The following COL28A1 variants were observed in gnomAD, a reference collection of about 807,000 sequenced individuals.
COL28A1 encodes the protein collagen alpha-1(XXVIII) chain.
A neutral mutation model predicts 150.2 loss-of-function variants in COL28A1; 161 were observed. That is an observed-to-expected ratio of 1.07 (90% CI 0.94 to 1.22). The LOEUF (loss-of-function observed/expected upper bound fraction) is 1.22, where lower values mean the gene tolerates loss of function less well. Among genes scored for constraint, COL28A1 ranks in the 50% most tolerant of loss-of-function variants. COL28A1 has a pLI of 0.00. For synonymous variants in COL28A1, 552 were observed against 469.7 expected (o/e 1.18, Z -2.26); for missense variants, 1,617 against 1,388.3 (o/e 1.16, Z -2.62).
At chr7:7,529,940 G>A (rs1390311938) in intron 3 of COL28A1, among the ~76,000 whole-genome samples, 1 of 152,110 alleles carries the variant, frequency 6.6e-6, no homozygotes. Context: ...GAGCACCACA[G>A]GACTGGGCCC....
At chr7:7,435,114 C>T (rs1785247841) in intron 23 of COL28A1, among the ~76,000 whole-genome samples, 1 of 152,048 alleles carries the variant, frequency 6.6e-6, no homozygotes, top group Admixed American at 6.6e-5. Flanking sequence ...CTTTAAATAC[C>T]ATCACCTATA....
At chr7:7,388,517 A>G (rs994995404) in intron 27 of COL28A1, among the ~76,000 whole-genome samples, 1 of 152,176 alleles carries the variant, frequency 6.6e-6, no homozygotes, top group African/African-American at 2.4e-5. Context: ...CCTTGGGTAT[A>G]TACCCAGTAA....
chr7:7,433,660 T>C (rs1022759503), intron 23 of COL28A1, among the ~76,000 whole-genome samples: 9 of 148,496 alleles, frequency 6.1e-5, no homozygotes, highest in African/African-American at 2.0e-4. Context: ...AAAAAAAGAT[T>C]ACCTACAAGT....
chr7:7,385,139 A>G (rs1035774208), intron 27 of COL28A1, among the ~76,000 whole-genome samples: 3 of 152,218 alleles, frequency 2.0e-5, no homozygotes, highest in Admixed American at 1.3e-4. Context: ...ACAAACGCAA[A>G]TAGTATAGGA....
At chr7:7,374,038 A>AAAAAAAAATAT in intron 31 of COL28A1, among the ~76,000 whole-genome samples, 11 of 113,654 alleles carry the variant, frequency 9.7e-5, no homozygotes, top group African/African-American at 4.2e-4. Flanking sequence ...AAAAAAAAAA[A>AAAAAAAAATAT]ATATATATAT....
At chr7:7,449,308 C>T (rs980534468) in intron 18 of COL28A1, among the ~76,000 whole-genome samples, 3 of 151,930 alleles carry the variant, frequency 2.0e-5, no homozygotes, top group Non-Finnish European at 4.4e-5. Flanking sequence ...TGGAAAACAA[C>T]ACAATTATCT....
downstream of COL28A1, among the ~76,000 whole-genome samples, chr7:7,355,951 G>C (rs1780342788): frequency 6.6e-6 from 1 of 152,164 alleles, no homozygotes; most frequent in African/African-American, 2.4e-5. Flanking sequence ...ACTGATCATA[G>C]ATGAGGCATA....
At chr7:7,404,467 T>C (rs1783389270) in intron 27 of COL28A1, among the ~76,000 whole-genome samples, 1 of 152,088 alleles carries the variant, frequency 6.6e-6, no homozygotes, top group Admixed American at 6.5e-5. Context: ...GTTACCTCCC[T>C]GACCTCATCT....
intron 11 of COL28A1, among the ~76,000 whole-genome samples, chr7:7,504,915 T>A (rs1181761609): frequency 1.3e-5 from 2 of 152,204 alleles, no homozygotes; most frequent in Non-Finnish European, 2.9e-5. Context: ...ATATATATTT[T>A]TTTCTTACTG....
At chr7:7,445,860 T>G (rs1278465011) in intron 18 of COL28A1, among the ~76,000 whole-genome samples, 1 of 147,768 alleles carries the variant, frequency 6.8e-6, no homozygotes, top group Non-Finnish European at 1.5e-5. Context: ...TAAAACTTAA[T>G]GCCTTTTTTT....
At chr7:7,339,858 T>C in the COL28A1 span, among the ~76,000 whole-genome samples, 1 of 152,172 alleles carries the variant, frequency 6.6e-6, no homozygotes, top group Non-Finnish European at 1.5e-5. Context: ...TTTTAGGTCA[T>C]ACAAATTGTT....
intron 13 of COL28A1, among the ~76,000 whole-genome samples, chr7:7,481,838 C>G (rs1483313982): frequency 6.6e-6 from 1 of 151,992 alleles, no homozygotes; most frequent in Admixed American, 6.6e-5. Flanking sequence ...GTGCCATCTA[C>G]TTTATTTTTT....
chr7:7,411,337 G>A (rs974097136), intron 27 of COL28A1, among the ~76,000 whole-genome samples: 3 of 152,124 alleles, frequency 2.0e-5, no homozygotes, highest in Non-Finnish European at 2.9e-5. Flanking sequence ...AGCTTTGGAG[G>A]AAGAAGCAAT....
intron 25 of COL28A1, among the ~76,000 whole-genome samples, chr7:7,425,705 G>A (rs1415107682): frequency 6.6e-6 from 1 of 152,124 alleles, no homozygotes; most frequent in Non-Finnish European, 1.5e-5. Flanking sequence ...GATTCATAAA[G>A]ATGTTTTACA....
At chr7:7,400,079 C>T (rs1157375463) in intron 27 of COL28A1, among the ~76,000 whole-genome samples, 1 of 152,206 alleles carries the variant, frequency 6.6e-6, no homozygotes, top group East Asian at 1.9e-4. Flanking sequence ...TTTATCAGTT[C>T]ATTAACAGAC....
intron 3 of COL28A1, among the ~76,000 whole-genome samples, chr7:7,525,547 GA>G (rs781317664): frequency 1.3e-5 from 2 of 152,190 alleles, no homozygotes; most frequent in African/African-American, 2.4e-5. Flanking sequence ...CGATAAAATA[GA>G]AAGATGAAGG....
At chr7:7,339,014 A>T in the COL28A1 span, among the ~76,000 whole-genome samples, 1 of 152,176 alleles carries the variant, frequency 6.6e-6, no homozygotes, top group East Asian at 1.9e-4. Context: ...CAAAACTCTG[A>T]GTAGGCTCAT....
Position 7,453,450 on chromosome 7 carries a change from G to T in COL28A1, c.1430C>A (p.Pro477His), listed in dbSNP as rs1786876850. Reference sequence around the variant, plus strand: ...CATTTACAAAGTTACCTTGGAACCAGGTAAGCCCTGTCCTGCGGGCCCTTG... The same window carrying T: ...CATTTACAAAGTTACCTTGGAACCATGTAAGCCCTGTCCTGCGGGCCCTTG... ...GPQGPAGQGL[P>H]GSKGEVGQMG... The change falls in exon 17 of 35, where the codon CCT (proline) becomes CAT (histidine). Residue 477 changes from proline (P) to histidine (H), a missense_variant. Coordinates refer to ENST00000399429, the MANE Select transcript of COL28A1 (RefSeq NM_001037763.3). 8.2e-7 allele frequency: 1 copy of T among 1,226,970 alleles called. No individual in the cohort carries two copies. Among genetic ancestry groups the T allele is most frequent in the Non-Finnish European group, 1.2e-6 (1 of 826,812 alleles). The allele number at this position is 1,226,970 out of a possible 1,614,324, so 76.0% of individuals were successfully genotyped here.
At chr7:7,471,551 A>C (rs1363913225) in intron 15 of COL28A1, among the ~76,000 whole-genome samples, 1 of 152,230 alleles carries the variant, frequency 6.6e-6, no homozygotes, top group Non-Finnish European at 1.5e-5. Flanking sequence ...ACAGGGATGC[A>C]GGGATGGGTT....
Sources: gnomAD v4.1 joint callset for allele counts (sites outside exome capture counted in the v4.1 genomes callset) on GRCh38, gnomAD v4.1.1 for gene constraint, MANE v1.5 for transcripts, NCBI Gene and HGNC (gene_info 2026-07-23, HGNC 2026-07-21) for gene names.